Variants in HECW2 observed in about 807,000 individuals in gnomAD.
HECW2 encodes the protein E3 ubiquitin-protein ligase HECW2.
Under a neutral mutation model 175.2 loss-of-function variants are expected in HECW2, and 61 were observed. The ratio of observed to expected loss-of-function variants is 0.35; its 90% CI spans 0.28 to 0.43. HECW2 has a LOEUF of 0.43. HECW2 is among the 20% of genes least tolerant of loss of function. HECW2 has a pLI of 1.00. For missense variants in HECW2, 1,524 were observed against 2,000.5 expected (o/e 0.76, Z 4.54); for synonymous variants, 671 against 731.0 (o/e 0.92, Z 1.32).
Position 196,496,221 on chromosome 2 carries a change from C to CT in HECW2, c.-35-62764dup, listed in dbSNP as rs141810240. ...TTTACCTTTGTATGTGTGTGTGTGT[C>CT]TGTGTGTGTGTGCAGGTGTGTGCTG... On this transcript the variant is annotated intron_variant, in intron 1 of 28. Transcript: ENST00000644978. 8.4e-3 allele frequency among the ~76,000 whole-genome samples: 1,280 copies of CT among 151,626 alleles called. 19 individuals carry two copies. The highest frequency in any genetic ancestry group is 0.028 in the African/African-American group (1,176 of 41,342).
chr2:196,371,763 C>T (rs576339676), intron 2 of HECW2, among the ~76,000 whole-genome samples: 3 of 152,276 alleles, frequency 2.0e-5, no homozygotes, highest in East Asian at 3.9e-4. Context: ...AGAGAAGAAC[C>T]GGCCTTCTTG....
At chr2:196,430,327 C>T (rs779889425) in intron 2 of HECW2, among the ~76,000 whole-genome samples, 1 of 151,922 alleles carries the variant, frequency 6.6e-6, no homozygotes, top group Non-Finnish European at 1.5e-5. Flanking sequence ...TGTTATTCCA[C>T]AGAATTCAGA....
chr2:196,430,273 A>G (rs898732428), intron 2 of HECW2, among the ~76,000 whole-genome samples: 1 of 152,180 alleles, frequency 6.6e-6, no homozygotes, highest in Non-Finnish European at 1.5e-5. Flanking sequence ...AAACCTATAC[A>G]AGCTCAAAGA....
intron 1 of HECW2, among the ~76,000 whole-genome samples, chr2:196,551,016 A>G (rs1689588099): frequency 6.6e-6 from 1 of 152,258 alleles, no homozygotes; most frequent in Non-Finnish European, 1.5e-5. Context: ...TACACAAGAC[A>G]GTGCCAAACA....
chr2:196,401,155 G>GT (rs1372508736), intron 2 of HECW2, among the ~76,000 whole-genome samples: 2 of 152,212 alleles, frequency 1.3e-5, no homozygotes, highest in East Asian at 3.8e-4. Context: ...GCTCAAAAAT[G>GT]TAAGTGTAGG....
intron 1 of HECW2, among the ~76,000 whole-genome samples, chr2:196,486,532 G>A (rs556979188): frequency 6.6e-6 from 1 of 152,252 alleles, no homozygotes; most frequent in African/African-American, 2.4e-5. Flanking sequence ...GACCCTAACA[G>A]AAAAGACAAA....
At chr2:196,418,827 G>T (rs1370871864) in intron 2 of HECW2, among the ~76,000 whole-genome samples, 2 of 152,152 alleles carry the variant, frequency 1.3e-5, no homozygotes, top group Non-Finnish European at 2.9e-5. Flanking sequence ...CTATGATCCT[G>T]AATATAGAGG....
intron 6 of HECW2, among the ~76,000 whole-genome samples, chr2:196,323,290 G>A (rs1392566189): frequency 6.6e-6 from 1 of 152,144 alleles, no homozygotes; most frequent in Non-Finnish European, 1.5e-5. Context: ...ACATTAATAA[G>A]GATATAAAAT....
At chr2:196,348,645 C>T (rs1693053118) in intron 2 of HECW2, among the ~76,000 whole-genome samples, 1 of 151,764 alleles carries the variant, frequency 6.6e-6, no homozygotes, top group South Asian at 2.1e-4. Context: ...AAGACCCTAA[C>T]TCAAAAAAAA....
chr2:196,568,211 C>A (rs957046013), intron 1 of HECW2, among the ~76,000 whole-genome samples: 1 of 152,062 alleles, frequency 6.6e-6, no homozygotes, highest in African/African-American at 2.4e-5. Flanking sequence ...CATTAGGACA[C>A]TCAAATATAT....
chr2:196,212,504 G>T (rs4850681), intron 28 of HECW2, among the ~76,000 whole-genome samples: 112,127 of 151,682 alleles, frequency 0.74, 42,150 homozygotes, highest in African/African-American at 0.86. Context: ...GCTCCATCCA[G>T]GTTCCTACAA....
intron 1 of HECW2, among the ~76,000 whole-genome samples, chr2:196,583,640 G>A (rs751046937): frequency 2.6e-4 from 39 of 152,192 alleles, no homozygotes; most frequent in Non-Finnish European, 5.1e-4. Context: ...TCCAAGACTT[G>A]ACTTTCTGAC....
chr2:196,334,072 A>T (rs970080018), intron 4 of HECW2, among the ~76,000 whole-genome samples: 1 of 152,172 alleles, frequency 6.6e-6, no homozygotes, highest in African/African-American at 2.4e-5. Flanking sequence ...TAATTTAAAT[A>T]GTTAAAATTC....
chr2:196,550,506 C>T (rs1371392942), intron 1 of HECW2, among the ~76,000 whole-genome samples: 1 of 151,876 alleles, frequency 6.6e-6, no homozygotes, highest in Admixed American at 6.6e-5. Context: ...ATTACTATTG[C>T]TTTTTAGTCT....
intron 2 of HECW2, among the ~76,000 whole-genome samples, chr2:196,371,000 A>C (rs1187213700): frequency 6.6e-6 from 1 of 152,198 alleles, no homozygotes; most frequent in Non-Finnish European, 1.5e-5. Flanking sequence ...GTGATTGCTC[A>C]TCTGATTTTT....
At chr2:196,289,862 A>C (rs923406590) in intron 14 of HECW2, 15 of 152,148 alleles carry the variant, frequency 9.9e-5, no homozygotes, top group African/African-American at 1.9e-4. Flanking sequence ...AGCCTCCCTG[A>C]ATGCTCCTTT....
At chr2:196,541,546 T>G (rs1360007693) in intron 1 of HECW2, among the ~76,000 whole-genome samples, 4 of 152,120 alleles carry the variant, frequency 2.6e-5, no homozygotes, top group Non-Finnish European at 1.5e-5. Context: ...GGAGGAAGGC[T>G]TATGGGTATG....
At chr2:196,524,252 G>A (rs1363797430) in intron 1 of HECW2, among the ~76,000 whole-genome samples, 2 of 133,944 alleles carry the variant, frequency 1.5e-5, no homozygotes, top group Non-Finnish European at 3.1e-5. Flanking sequence ...AGATTTTCTA[G>A]TTTATTTGCG....
chr2:196,213,544 G>A (rs1452270138), intron 28 of HECW2, among the ~76,000 whole-genome samples: 3 of 152,088 alleles, frequency 2.0e-5, no homozygotes, highest in Non-Finnish European at 4.4e-5. Flanking sequence ...CCAAAAGATG[G>A]GGCTTGTTAC....
Sources: gnomAD v4.1 joint callset for allele counts (sites outside exome capture counted in the v4.1 genomes callset) on GRCh38, gnomAD v4.1.1 for gene constraint, MANE v1.5 for transcripts, NCBI Gene and HGNC (gene_info 2026-07-23, HGNC 2026-07-21) for gene names.